The following ERC2 variants were observed in gnomAD, a reference collection of about 807,000 sequenced individuals.
ERC2 encodes ELKS/RAB6-interacting/CAST family member 2, also known as ERC protein 2.
In ERC2, 42 loss-of-function variants were observed where a neutral mutation model predicts 114.8. The ratio of observed to expected loss-of-function variants is 0.37; its 90% CI spans 0.29 to 0.47. ERC2 has a LOEUF of 0.47. ERC2 is among the 20% of genes least tolerant of loss of function. The pLI, the probability that ERC2 is intolerant of heterozygous loss-of-function variation, is 0.99. For synonymous variants in ERC2, 454 were observed against 425.5 expected (o/e 1.07, Z -0.82); for missense variants, 939 against 1,150.7 (o/e 0.82, Z 2.66).
chr3:55,799,893 A>G (rs1225195606), intron 14 of ERC2, among the ~76,000 whole-genome samples: 2 of 152,096 alleles, frequency 1.3e-5, no homozygotes, highest in East Asian at 1.9e-4. Flanking sequence ...TTACTGCTAT[A>G]TAATAGGGAT....
chr3:56,032,284 A>T (rs1195168929), intron 7 of ERC2, among the ~76,000 whole-genome samples: 1 of 152,218 alleles, frequency 6.6e-6, no homozygotes, highest in East Asian at 1.9e-4. Context: ...AACTAGGACA[A>T]ACTTCAACAG....
At chr3:55,775,605 CAG>C (rs1192174159) in intron 14 of ERC2, among the ~76,000 whole-genome samples, 1 of 150,054 alleles carries the variant, frequency 6.7e-6, no homozygotes. Flanking sequence ...GTGAGACAGA[CAG>C]AGAGAGTAAG....
At chr3:55,673,091 T>C (rs1344743361) in intron 17 of ERC2, among the ~76,000 whole-genome samples, 3 of 152,240 alleles carry the variant, frequency 2.0e-5, no homozygotes, top group African/African-American at 7.2e-5. Context: ...TCTCTGGCTC[T>C]AGAAGACTTC....
At chr3:56,405,660 C>CAGAT (rs754359342) in intron 2 of ERC2, among the ~76,000 whole-genome samples, 10 of 106,948 alleles carry the variant, frequency 9.4e-5, no homozygotes, top group South Asian at 2.8e-4. Context: ...GATAGATAGA[C>CAGAT]AGATAGATAG....
At chr3:56,108,358 C>A (rs953400537) in intron 6 of ERC2, among the ~76,000 whole-genome samples, 10 of 151,666 alleles carry the variant, frequency 6.6e-5, no homozygotes, top group African/African-American at 2.4e-4. Context: ...CAGAACAACA[C>A]ACAAAAAATA....
At chr3:56,012,376 CT>C (rs1322188060) in intron 8 of ERC2, among the ~76,000 whole-genome samples, 3 of 152,148 alleles carry the variant, frequency 2.0e-5, no homozygotes, top group Non-Finnish European at 4.4e-5. Context: ...TCACGTGGCA[CT>C]TATTCCCACT....
chr3:56,311,255 C>CTCTATATA (rs1314796268), intron 2 of ERC2, among the ~76,000 whole-genome samples: 5 of 79,064 alleles, frequency 6.3e-5, no homozygotes, highest in East Asian at 3.5e-4. Context: ...CTCTCTCTCT[C>CTCTATATA]TATATATATA....
At chr3:56,258,419 A>G (rs2052668321) in intron 3 of ERC2, among the ~76,000 whole-genome samples, 1 of 152,136 alleles carries the variant, frequency 6.6e-6, no homozygotes, top group African/African-American at 2.4e-5. Flanking sequence ...GCACTTTGGG[A>G]GGTGGAGGCG....
At chr3:55,664,652 C>G (rs2061283685) in intron 17 of ERC2, among the ~76,000 whole-genome samples, 1 of 152,114 alleles carries the variant, frequency 6.6e-6, no homozygotes, top group Admixed American at 6.5e-5. Flanking sequence ...GGCTGAGAGC[C>G]AAGGATCCAT....
At chr3:55,540,073 G>T (rs2054293105) in intron 17 of ERC2, among the ~76,000 whole-genome samples, 2 of 152,056 alleles carry the variant, frequency 1.3e-5, no homozygotes, top group Non-Finnish European at 2.9e-5. Flanking sequence ...GATCCCAAGG[G>T]CATCTTAGGG....
intron 2 of ERC2, among the ~76,000 whole-genome samples, chr3:56,389,362 C>T (rs1301497022): frequency 6.6e-6 from 1 of 152,108 alleles, no homozygotes; most frequent in Non-Finnish European, 1.5e-5. Context: ...GTCTTTTAAC[C>T]ACAAGAGTCA....
At chr3:56,051,549 T>C (rs2075766700) in intron 7 of ERC2, among the ~76,000 whole-genome samples, 1 of 152,158 alleles carries the variant, frequency 6.6e-6, no homozygotes, top group Admixed American at 6.5e-5. Context: ...AGAAGATATC[T>C]TTGTTTTCAA....
intron 3 of ERC2, among the ~76,000 whole-genome samples, chr3:56,209,368 A>G (rs913606974): frequency 5.3e-5 from 8 of 151,210 alleles, no homozygotes; most frequent in African/African-American, 1.9e-4. Flanking sequence ...ATACACCACA[A>G]CTCTCCTTGG....
At chr3:55,948,931 T>C (rs1294663298) in intron 13 of ERC2, among the ~76,000 whole-genome samples, 1 of 152,236 alleles carries the variant, frequency 6.6e-6, no homozygotes, top group African/African-American at 2.4e-5. Flanking sequence ...GCATGGTCTG[T>C]ACCCAAGTAC....
At chr3:56,241,483 C>T (rs1473988838) in intron 3 of ERC2, among the ~76,000 whole-genome samples, 2 of 151,992 alleles carry the variant, frequency 1.3e-5, no homozygotes, top group African/African-American at 4.8e-5. Context: ...GAAAACAGTG[C>T]GGAGATTTCT....
intron 13 of ERC2, among the ~76,000 whole-genome samples, chr3:55,933,472 C>T (rs776620901): frequency 6.6e-6 from 1 of 152,190 alleles, no homozygotes; most frequent in Non-Finnish European, 1.5e-5. Context: ...CTTAAACCAA[C>T]AGGGAAGTAT....
intron 2 of ERC2, among the ~76,000 whole-genome samples, chr3:56,355,796 C>T (rs545898767): frequency 6.6e-6 from 1 of 152,258 alleles, no homozygotes; most frequent in East Asian, 1.9e-4. Flanking sequence ...AAAAACAAGT[C>T]CATTGAATCC....
At chr3:55,557,557 G>C (rs1484777367) in intron 17 of ERC2, among the ~76,000 whole-genome samples, 1 of 152,236 alleles carries the variant, frequency 6.6e-6, no homozygotes, top group African/African-American at 2.4e-5. Context: ...ATATTAAGTA[G>C]TTGCCATGTG....
At chr3:55,670,319 G>C (rs2061508494) in intron 17 of ERC2, among the ~76,000 whole-genome samples, 1 of 152,238 alleles carries the variant, frequency 6.6e-6, no homozygotes, top group African/African-American at 2.4e-5. Flanking sequence ...GAAATAAGAT[G>C]TGAGAAGAAA....
Sources: allele counts gnomAD v4.1 joint callset (sites outside exome capture counted in the v4.1 genomes callset), GRCh38; gene constraint gnomAD v4.1.1; transcripts MANE v1.5; gene names NCBI Gene and HGNC (gene_info 2026-07-23, HGNC 2026-07-21).